Variants in GRID1 observed in about 807,000 individuals in gnomAD.
GRID1 encodes glutamate receptor ionotropic, delta-1.
Under a neutral mutation model 98.0 loss-of-function variants are expected in GRID1, and 28 were observed. The ratio of observed to expected loss-of-function variants is 0.29; its 90% CI spans 0.21 to 0.39. GRID1 has a LOEUF of 0.39. Ranked by LOEUF, GRID1 falls within the 10% of genes least tolerant of loss-of-function variation. GRID1 has a pLI of 1.00. For missense variants in GRID1, 1,111 were observed against 1,340.5 expected, an observed-to-expected ratio of 0.83 and a Z score of 2.67; for synonymous variants, 553 against 538.5, an observed-to-expected ratio of 1.03 and a Z score of -0.37.
intron 12 of GRID1, among the ~76,000 whole-genome samples, chr10:85,707,134 C>G (rs1841529627): frequency 1.3e-5 from 2 of 152,106 alleles, no homozygotes; most frequent in South Asian, 4.1e-4. Flanking sequence ...AACTAAATAG[C>G]TTCTGCACAG....
chr10:85,947,348 G>GT (rs1435287206), intron 4 of GRID1, among the ~76,000 whole-genome samples: 1 of 152,230 alleles, frequency 6.6e-6, no homozygotes, highest in Non-Finnish European at 1.5e-5. Flanking sequence ...GTGGTGTGGG[G>GT]TGGGGAGAAT....
At chr10:85,873,423 C>T (rs1843298196) in intron 5 of GRID1, among the ~76,000 whole-genome samples, 1 of 152,192 alleles carries the variant, frequency 6.6e-6, no homozygotes, top group African/African-American at 2.4e-5. Context: ...TCACTGAGTG[C>T]ACGGGCTCAA....
chr10:86,322,376 T>C (rs1358705637), intron 2 of GRID1, among the ~76,000 whole-genome samples: 1 of 152,176 alleles, frequency 6.6e-6, no homozygotes, highest in Admixed American at 6.5e-5. Context: ...ACCTACCACA[T>C]GCAAAGTAGA....
chr10:86,271,299 A>C (rs1847181892), intron 2 of GRID1, among the ~76,000 whole-genome samples: 1 of 152,274 alleles, frequency 6.6e-6, no homozygotes, highest in Non-Finnish European at 1.5e-5. Flanking sequence ...ACCCAAAAGG[A>C]TCAGACTATT....
At chr10:86,276,593 C>G (rs942495131) in intron 2 of GRID1, among the ~76,000 whole-genome samples, 5 of 151,740 alleles carry the variant, frequency 3.3e-5, no homozygotes, top group Non-Finnish European at 7.4e-5. Flanking sequence ...ACCTCTGCCT[C>G]TTGGGTTCAA....
chr10:86,000,470 C>T (rs532797863), intron 4 of GRID1, among the ~76,000 whole-genome samples: 1 of 152,282 alleles, frequency 6.6e-6, no homozygotes, highest in South Asian at 2.1e-4. Context: ...ATTAGAACAG[C>T]TAAACACTGT....
At chr10:86,091,397 T>C (rs1241987604) in intron 4 of GRID1, among the ~76,000 whole-genome samples, 2 of 151,804 alleles carry the variant, frequency 1.3e-5, no homozygotes, top group African/African-American at 4.8e-5. Flanking sequence ...GCATAACTCA[T>C]CAGAGGCAGC....
At chr10:86,115,530 C>T (rs1844563423) in intron 4 of GRID1, among the ~76,000 whole-genome samples, 1 of 152,196 alleles carries the variant, frequency 6.6e-6, no homozygotes, top group South Asian at 2.1e-4. Flanking sequence ...TTTAATCTGC[C>T]ACCTACAAGG....
intron 4 of GRID1, among the ~76,000 whole-genome samples, chr10:85,971,655 G>A (rs1263278918): frequency 6.6e-6 from 1 of 152,082 alleles, no homozygotes; most frequent in Non-Finnish European, 1.5e-5. Context: ...ACTCACTCCT[G>A]CCTTTGGAAT....
intron 8 of GRID1, among the ~76,000 whole-genome samples, chr10:85,813,125 T>C (rs1842687411): frequency 6.6e-6 from 1 of 151,862 alleles, no homozygotes; most frequent in African/African-American, 2.4e-5. Context: ...TGATGTGCCA[T>C]TGGAGCCCCA....
chr10:85,938,775 A>G (rs572171340), intron 4 of GRID1, among the ~76,000 whole-genome samples: 1 of 152,368 alleles, frequency 6.6e-6, no homozygotes, highest in South Asian at 2.1e-4. Flanking sequence ...GCCAGCCTCT[A>G]GCTGGGTAAT....
chr10:85,821,990 A>G (rs571847169), intron 8 of GRID1, among the ~76,000 whole-genome samples: 2 of 152,336 alleles, frequency 1.3e-5, no homozygotes, highest in South Asian at 4.1e-4. Context: ...CCATAAGTAG[A>G]AAGCTGAAAC....
intron 2 of GRID1, among the ~76,000 whole-genome samples, chr10:86,335,297 G>A (rs910233202): frequency 6.6e-6 from 1 of 152,238 alleles, no homozygotes; most frequent in African/African-American, 2.4e-5. Context: ...TACCTATGCT[G>A]CCTTGGCATT....
chr10:86,271,251 T>C (rs971519292), intron 2 of GRID1, among the ~76,000 whole-genome samples: 1 of 152,222 alleles, frequency 6.6e-6, no homozygotes, highest in African/African-American at 2.4e-5. Flanking sequence ...GCCTCAGTAG[T>C]AGTAGCTCTG....
intron 4 of GRID1, among the ~76,000 whole-genome samples, chr10:86,093,808 A>G (rs1232918724): frequency 6.6e-6 from 1 of 152,200 alleles, no homozygotes; most frequent in East Asian, 1.9e-4. Context: ...ACTATTCCAC[A>G]AGAAAGACAA....
chr10:85,709,611 C>T (rs1016142008), intron 12 of GRID1, among the ~76,000 whole-genome samples: 2 of 152,218 alleles, frequency 1.3e-5, no homozygotes, highest in East Asian at 3.9e-4. Flanking sequence ...GTGCCCTCCA[C>T]TCACCTACGC....
At chr10:86,163,415 T>TTA (rs1255556902) in intron 3 of GRID1, among the ~76,000 whole-genome samples, 2 of 151,730 alleles carry the variant, frequency 1.3e-5, no homozygotes, top group Non-Finnish European at 2.9e-5. Flanking sequence ...TTTCTTTTTT[T>TTA]TTTTTTTTTC....
chr10:85,964,180 C>G (rs11599675), intron 4 of GRID1, among the ~76,000 whole-genome samples: 20,457 of 152,060 alleles, frequency 0.13, 1,500 homozygotes, highest in Admixed American at 0.22. Context: ...TGGATAAGAA[C>G]AATCAATATC....
intron 4 of GRID1, among the ~76,000 whole-genome samples, chr10:86,105,340 G>A (rs1844365628): frequency 6.6e-6 from 1 of 152,098 alleles, no homozygotes; most frequent in Non-Finnish European, 1.5e-5. Flanking sequence ...AGGCCCAGAG[G>A]GTGTAGCGCT....
Sources: allele counts gnomAD v4.1 joint callset (sites outside exome capture counted in the v4.1 genomes callset), GRCh38; gene constraint gnomAD v4.1.1; transcripts MANE v1.5; gene names NCBI Gene and HGNC (gene_info 2026-07-23, HGNC 2026-07-21).